Variants in AKNA observed in about 807,000 individuals in gnomAD.
The protein encoded by AKNA is AT-hook transcription factor.
A neutral mutation model predicts 138.8 loss-of-function variants in AKNA; 67 were observed. The observed-to-expected ratio is 0.48, with a 90% confidence interval of 0.40 to 0.59. The LOEUF is 0.59. Among genes scored for constraint, AKNA ranks in the 20% least tolerant of loss-of-function variants. AKNA has a pLI of 0.00. For missense variants in AKNA, 1,813 were observed against 1,880.4 expected (o/e 0.96, Z 0.66); for synonymous variants, 737 against 754.4 (o/e 0.98, Z 0.38).
chr9:114,374,030 A>G, intron 4 of AKNA, 63 bp downstream of exon 4: 1 of 1,512,402 alleles, frequency 6.6e-7, no homozygotes, highest in Non-Finnish European at 9.0e-7. Flanking sequence ...CTCTAGGACT[A>G]TGGAAAAGTG....
chr9:114,350,184 T>C (rs963046815), intron 15 of AKNA, among the ~76,000 whole-genome samples: 1 of 151,560 alleles, frequency 6.6e-6, no homozygotes, highest in African/African-American at 2.4e-5. Flanking sequence ...GCTGCAGGGG[T>C]AGACTTACTA....
At chr9:114,347,680 G>A in intron 16 of AKNA, 44 bp downstream of exon 16, 1 of 1,473,340 alleles carries the variant, frequency 6.8e-7, no homozygotes, top group Non-Finnish European at 9.0e-7. Flanking sequence ...ACTATCTTCT[G>A]TAGCTGCCAC....
rs570437592 is a variant in AKNA, at chr9:114,337,720, A to G, written c.4068-414T>C. Among the ~76,000 whole-genome samples the G allele has an allele frequency of 6.6e-5, 10 of 152,186 alleles. No individual in the cohort carries two copies. The South Asian group carries it at 1.9e-3, about 28-fold the overall frequency. On this transcript the variant is annotated intron_variant, in intron 21 of 21. Transcript: ENST00000374088. ...GCTTGATAGCAAAACCCCCTCATGG[A>G]AGAATATCTGGGGGTTCCATTTGCC...
chr9:114,346,030 C>T, intron 17 of AKNA, 21 bp from the exon 18 acceptor site: 1 of 1,601,826 alleles, frequency 6.2e-7, no homozygotes, highest in Non-Finnish European at 8.5e-7. Flanking sequence ...AAAAGTGGGG[C>T]ATCAGAGGGG....
In AKNA at chr9:114,341,741, C is replaced by G. The variant is rs200313008; in HGVS notation, c.3875-16G>C. On this transcript the variant is annotated splice_polypyrimidine_tract_variant and intron_variant, in intron 20 of 21. Coordinates refer to ENST00000374088, the MANE Select transcript of AKNA (RefSeq NM_001317950.2). ...TTCTCTGCCCCTATCAGGGAGGGAA[C>G]AGCACAGAGAGACAGAGTCTGACCA... The G allele has an allele frequency of 1.9e-6, 3 of 1,546,860 alleles. No individual in the cohort carries two copies. Among genetic ancestry groups the G allele is most frequent in the Admixed American group, 2.1e-5 (1 of 48,618 alleles).
upstream of AKNA, among the ~76,000 whole-genome samples, chr9:114,392,757 A>C (rs1317904595): frequency 6.6e-6 from 1 of 152,230 alleles, no homozygotes; most frequent in Non-Finnish European, 1.5e-5. Flanking sequence ...AAAAGGGAGA[A>C]GCAGTTTTCC....
chr9:114,384,335 C>T (rs904037043), intron 1 of AKNA, among the ~76,000 whole-genome samples: 2 of 152,196 alleles, frequency 1.3e-5, no homozygotes, highest in African/African-American at 4.8e-5. Context: ...CTTTGGGAGG[C>T]CGAGGTGGGC....
At chr9:114,391,435 A>G (rs1414126000), upstream of AKNA, among the ~76,000 whole-genome samples, 1 of 152,244 alleles carries the variant, frequency 6.6e-6, no homozygotes, top group Non-Finnish European at 1.5e-5. Flanking sequence ...TCAAGAACAG[A>G]ACGTTTAAGT....
At position 114,376,864 on chromosome 9, in the gene AKNA, T is replaced by C. The variant is rs1833258049; in HGVS notation, c.943A>G (p.Ile315Val). 5.6e-6 allele frequency: 9 copies of C among 1,614,024 alleles called. No homozygotes were observed. Among genetic ancestry groups the C allele is most frequent in the East Asian group, 2.2e-5 (1 of 44,890 alleles). ...CTGGGCTGGGGATTCAGGGGGCTGA[T>C]GGAGCCAATGAATCGGGAAGGGAGT... ...KPLPSRFIGS[I>V]SPLNPQPRPT... The change falls in exon 3 of 22, where the codon ATC becomes GTC. Residue 315 changes from isoleucine to valine, a missense_variant. Coordinates refer to ENST00000374088, the MANE Select transcript of AKNA (RefSeq NM_001317950.2).
intron 4 of AKNA, among the ~76,000 whole-genome samples, chr9:114,369,417 A>G (rs1194913889): frequency 1.3e-5 from 2 of 152,206 alleles, no homozygotes; most frequent in Non-Finnish European, 2.9e-5. Flanking sequence ...CAGAGACTAT[A>G]TGCTCCACAA....
chr9:114,362,330 GC>G (rs1832031090), intron 8 of AKNA, 75 bp downstream of exon 8: 1 of 1,490,488 alleles, frequency 6.7e-7, no homozygotes, highest in Non-Finnish European at 8.9e-7. Context: ...AGGACAAAGT[GC>G]CTCCCTCCTG....
chr9:114,353,790 A>T (rs934928702), intron 14 of AKNA, among the ~76,000 whole-genome samples: 1 of 152,218 alleles, frequency 6.6e-6, no homozygotes, highest in Non-Finnish European at 1.5e-5. Flanking sequence ...TTGTGTATCT[A>T]AACATAGAAA....
chr9:114,378,980 T>C (rs1249986959), intron 2 of AKNA, among the ~76,000 whole-genome samples: 2 of 152,220 alleles, frequency 1.3e-5, no homozygotes, highest in African/African-American at 4.8e-5. Flanking sequence ...TGCCTCTACG[T>C]CTCTTAACCA....
intron 1 of AKNA, among the ~76,000 whole-genome samples, chr9:114,385,506 T>C (rs908492041): frequency 6.6e-6 from 1 of 152,218 alleles, no homozygotes; most frequent in Non-Finnish European, 1.5e-5. Flanking sequence ...GTGCGGTTTT[T>C]TGACTTTTTA....
intron 16 of AKNA, 138 bp from the exon 17 acceptor site, chr9:114,346,922 T>C: frequency 3.0e-6 from 2 of 675,060 alleles, no homozygotes; most frequent in Non-Finnish European, 4.8e-6. Flanking sequence ...AGCCAGACTC[T>C]GAAGTCAGTT....
intron 21 of AKNA, 103 bp from the exon 22 acceptor site, chr9:114,337,409 C>A (rs1187366351): frequency 8.1e-7 from 1 of 1,228,708 alleles, no homozygotes; most frequent in Non-Finnish European, 1.1e-6. Flanking sequence ...CCAGCTGGGC[C>A]AGTGGCTCCT....
upstream of AKNA, among the ~76,000 whole-genome samples, chr9:114,398,075 C>G (rs1012720561): frequency 2.6e-5 from 4 of 152,038 alleles, no homozygotes; most frequent in South Asian, 2.1e-4. This position sits in a 1 kb window ranked among gnomAD's most constrained non-coding sequence, Gnocchi z 4.2. Flanking sequence ...CGAGCTCCCC[C>G]GGGACCCCTC....
At chr9:114,346,308 G>C (rs186012142) in intron 17 of AKNA, among the ~76,000 whole-genome samples, 1 of 152,316 alleles carries the variant, frequency 6.6e-6, no homozygotes, top group Admixed American at 6.5e-5. Context: ...ACTCGGCCAA[G>C]GACAAGTGGA....
intron 1 of AKNA, among the ~76,000 whole-genome samples, chr9:114,393,277 G>A (rs1011640347): frequency 5.3e-5 from 8 of 149,990 alleles, no homozygotes; most frequent in South Asian, 2.1e-4. Flanking sequence ...GGGCAGTGGC[G>A]CGATCTCAGC....
Sources: allele counts gnomAD v4.1 joint callset (sites outside exome capture counted in the v4.1 genomes callset), GRCh38; gene constraint gnomAD v4.1.1; non-coding constraint Gnocchi (gnomAD v3.1); transcripts MANE v1.5; gene names NCBI Gene and HGNC (gene_info 2026-07-23, HGNC 2026-07-21).